BAHCC1: variants seen among roughly 807,000 people sequenced by gnomAD.
BAHCC1 encodes the protein BAH domain and coiled-coil containing 1, also known as BAH and coiled-coil domain-containing protein 1.
Under a neutral mutation model 88.2 loss-of-function variants are expected in BAHCC1, and 43 were observed. That is an observed-to-expected ratio of 0.49 (90% CI 0.38 to 0.63). The LOEUF is 0.63. Among genes scored for constraint, BAHCC1 ranks in the 20% least tolerant of loss-of-function variants. The pLI is 0.00. For missense variants in BAHCC1, 3,023 were observed against 1,654.8 expected (o/e 1.83, Z -14.34); for synonymous variants, 1,510 against 745.5 (o/e 2.03, Z -16.71).
At chr17:81,400,466 G>A (rs911645450) in intron 2 of BAHCC1, among the ~76,000 whole-genome samples, 2 of 152,238 alleles carry the variant, frequency 1.3e-5, no homozygotes. Context: ...GCGAGAATGG[G>A]TTTGCAGGGA....
At chr17:81,438,625 G>A (rs1190213081) in intron 4 of BAHCC1, 133 bp downstream of exon 4, 1 of 645,744 alleles carries the variant, frequency 1.5e-6, no homozygotes, top group African/African-American at 1.8e-5. Context: ...GGCCAGGGTG[G>A]GGGCTAGAGG....
intron 2 of BAHCC1, among the ~76,000 whole-genome samples, chr17:81,408,771 C>A (rs1471867774): frequency 6.6e-6 from 1 of 152,188 alleles, no homozygotes; most frequent in Non-Finnish European, 1.5e-5. Context: ...CTGCCCAGCC[C>A]CCCTGGCTGG....
At chr17:81,437,077 G>A (rs782709812) in intron 3 of BAHCC1, among the ~76,000 whole-genome samples, 2 of 152,264 alleles carry the variant, frequency 1.3e-5, no homozygotes, top group South Asian at 2.1e-4. Flanking sequence ...GGATTGCGGT[G>A]TGGGGTGCCC....
Position 81,399,212 on chromosome 17 carries a change from C to T in BAHCC1, c.-206-322C>T, listed in dbSNP as rs782539144. On this transcript the variant is annotated intron_variant, in intron 1 of 27. Transcript: ENST00000675386. This position sits in a 1 kb window ranked among gnomAD's most constrained non-coding sequence, Gnocchi z 4.5. ...TTTATCACCCAGCAGAGCCAGCAGCCTCTTCGCCGCGGCGCCCTAGCTGCA... is the reference window on the plus strand; with the variant it reads ...TTTATCACCCAGCAGAGCCAGCAGCTTCTTCGCCGCGGCGCCCTAGCTGCA... The T allele has an allele frequency of 9.4e-6, 4 of 425,814 alleles. No homozygotes were observed. Among genetic ancestry groups the T allele is most frequent in the South Asian group, 4.8e-5 (3 of 62,372 alleles). The allele number at this position is 425,814 out of a possible 1,614,324, so 26.4% of individuals were successfully genotyped here. A position where few individuals can be genotyped will look rare whatever the true frequency, so the allele number is the denominator to read the frequency against.
chr17:81,406,882 G>C, intron 2 of BAHCC1: 1 of 456,320 alleles, frequency 2.2e-6, no homozygotes, highest in Non-Finnish European at 4.4e-6. Flanking sequence ...AGCCAGCCGG[G>C]CTGGCATGCT....
intron 2 of BAHCC1, among the ~76,000 whole-genome samples, chr17:81,410,620 C>T (rs1274948217): frequency 6.6e-6 from 1 of 151,806 alleles, no homozygotes; most frequent in African/African-American, 2.4e-5. Context: ...ACCACGGGTC[C>T]TGGCACCACG....
Position 81,444,700 on chromosome 17 carries a change from C to A in BAHCC1, c.2545C>A (p.Pro849Thr), listed in dbSNP as rs557626485. The change falls in exon 8 of 28, where the codon CCC becomes ACC. Residue 849 changes from proline (P) to threonine (T), a missense_variant. Transcript: ENST00000675386. Reference protein sequence around the residue: ...LGHPALHQNLPPGFPASVAGP... With the variant: ...LGHPALHQNLTPGFPASVAGP... ...GCACCCTGCCCTGCACCAGAACCTG[C>A]CCCCCGGCTTCCCCGCCTCCGTGGC... 1.2e-5 allele frequency: 9 copies of A among 775,968 alleles called. No homozygotes were observed. Among genetic ancestry groups the A allele is most frequent in the South Asian group, 4.0e-5 (3 of 74,546 alleles). 48.1% of individuals were successfully genotyped at this position (775,968 alleles called of 1,614,324 possible).
intron 2 of BAHCC1, chr17:81,407,255 T>C (rs957619181): frequency 3.0e-5 from 15 of 494,966 alleles, no homozygotes; most frequent in Non-Finnish European, 5.3e-5. Context: ...CAGGCTGGGC[T>C]CCCTGAAGCG....
chr17:81,397,730 G>A (rs1326692875), intron 1 of BAHCC1, among the ~76,000 whole-genome samples: 3 of 152,184 alleles, frequency 2.0e-5, no homozygotes, highest in Non-Finnish European at 4.4e-5. Context: ...TGCAGGCCGG[G>A]ATCGGGGCTT....
rs1303717996 is a variant in BAHCC1 at position 81,435,648 on chromosome 17, T to C, written c.359-2722T>C. Among the ~76,000 whole-genome samples, 2 of 152,174 alleles carry C rather than the reference T, an allele frequency of 1.3e-5. No individual in the cohort carries two copies. The highest frequency in any genetic ancestry group is 4.8e-5 in the African/African-American group (2 of 41,438). On this transcript the variant is annotated intron_variant, in intron 3 of 27. Transcript: ENST00000675386. This position sits in a 1 kb window ranked among gnomAD's most constrained non-coding sequence, Gnocchi z 4.4. ...TCATATGGCCCCAGACCCTGCTGGC[T>C]GAGCCCTCTTGGTCTCTGGCCCCGG...
At chr17:81,419,628 C>T (rs942894460) in intron 2 of BAHCC1, among the ~76,000 whole-genome samples, 13 of 148,980 alleles carry the variant, frequency 8.7e-5, no homozygotes. Context: ...GGGTGTGGGT[C>T]GGGGGTGGGA....
intron 11 of BAHCC1, among the ~76,000 whole-genome samples, chr17:81,449,852 C>T (rs1298103503): frequency 2.6e-5 from 4 of 152,166 alleles, no homozygotes; most frequent in Non-Finnish European, 5.9e-5. Context: ...ATGGATCAAC[C>T]CTTGGTCTGG....
intron 2 of BAHCC1, among the ~76,000 whole-genome samples, chr17:81,424,312 T>C (rs2064149185): frequency 2.0e-5 from 3 of 152,232 alleles, no homozygotes; most frequent in Admixed American, 1.3e-4. Context: ...GGGGCCCCGC[T>C]GACCCTGGTG....
chr17:81,448,642 A>G (rs534798447), intron 11 of BAHCC1, among the ~76,000 whole-genome samples: 1 of 152,220 alleles, frequency 6.6e-6, no homozygotes, highest in East Asian at 1.9e-4. Flanking sequence ...TTCTGGATGC[A>G]TAAAGCTCAC....
rs782001999 is a variant in BAHCC1, at chr17:81,456,323, C to A, written c.4596C>A (p.Ser1532Arg). The A allele has an allele frequency of 1.4e-6, 1 of 721,060 alleles. No individual in the cohort carries two copies. The highest frequency in any genetic ancestry group is 2.6e-6 in the Non-Finnish European group (1 of 387,342). The allele number at this position is 721,060 out of a possible 1,614,324, so 44.7% of individuals were successfully genotyped here. A position where few individuals can be genotyped will look rare whatever the true frequency, so the allele number is the denominator to read the frequency against. Residue 1532 changes from serine to arginine, a missense_variant, in exon 16 of 28, where the codon AGC becomes AGA. Transcript: ENST00000675386. ...SVEKAQCKKS[S>R]CQGGLAPSVA... ...AGAAGGCGCAGTGTAAGAAGAGCAG[C>A]TGTCAGGGCGGGCTGGCGCCCTCCG...
chr17:81,443,549 G>A lies in BAHCC1; in HGVS notation c.2200G>A (p.Ala734Thr), dbSNP rs189830738. Residue 734 changes from alanine (A) to threonine (T), a missense_variant, in exon 5 of 28, where the codon GCC (alanine) becomes ACC (threonine). Ala to Thr is a moderately conservative substitution (Grantham distance 58). Coordinates refer to ENST00000675386, the MANE Select transcript of BAHCC1 (RefSeq NM_001377448.1). Reference sequence around the variant, plus strand: ...CAACACTGCGCGGCAGGGCCGGGCCGCCCCCGCCTTCAAAGGTACAGGCCC... The same window carrying A: ...CAACACTGCGCGGCAGGGCCGGGCCACCCCCGCCTTCAAAGGTACAGGCCC... The part of the protein sequence containing the change: ...GTNTARQGRA[A>T]PAFKGGGGPR... 5.0e-4 allele frequency: 320 copies of A among 644,384 alleles called. 1 individual carries two copies. In the East Asian group the frequency reaches 8.2e-3, roughly 17 times the overall value. The allele number at this position is 644,384 out of a possible 1,614,324, so 39.9% of individuals were successfully genotyped here. A position where few individuals can be genotyped will look rare whatever the true frequency, so the allele number is the denominator to read the frequency against.
chr17:81,418,323 G>A (rs536733661), intron 2 of BAHCC1, among the ~76,000 whole-genome samples: 18 of 152,294 alleles, frequency 1.2e-4, no homozygotes, highest in African/African-American at 2.2e-4. Context: ...AGGGGAGCTG[G>A]GCCTGGCCAC....
At chr17:81,398,911 G>A (rs1295268933) in intron 1 of BAHCC1, among the ~76,000 whole-genome samples, 2 of 151,356 alleles carry the variant, frequency 1.3e-5, no homozygotes, top group African/African-American at 4.9e-5. Context: ...GGGGATGGGA[G>A]TGGGGAGAAA....
rs782274257 is a variant in BAHCC1, at chr17:81,457,573, G to A, written c.5022G>A (p.Lys1674=). 3.6e-5 allele frequency: 27 copies of A among 743,554 alleles called. No individual in the cohort carries two copies. Among genetic ancestry groups the A allele is most frequent in the Non-Finnish European group, 3.8e-5 (15 of 399,856 alleles). The allele number at this position is 743,554 out of a possible 1,614,324, so 46.1% of individuals were successfully genotyped here. ...CCAACCAGAAGGCCAAGAAGAAGAA[G>A]GAGAGGCAGGGGTTGCTAGGTAACC... ...MEANQKAKKK[K]ERQGLLGACR... Residue 1674 remains lysine, a synonymous_variant, in exon 17 of 28, where the codon AAG becomes AAA. Coordinates refer to ENST00000675386, the MANE Select transcript of BAHCC1 (RefSeq NM_001377448.1).
Sources: gnomAD v4.1 joint callset for allele counts (sites outside exome capture counted in the v4.1 genomes callset) on GRCh38, gnomAD v4.1.1 for gene constraint, Gnocchi (gnomAD v3.1) non-coding constraint, MANE v1.5 for transcripts, NCBI Gene and HGNC (gene_info 2026-07-23, HGNC 2026-07-21) for gene names.